Variants in NOMO1 observed in about 807,000 individuals in gnomAD.
The protein encoded by NOMO1 is nodal modulator 3.
Under a neutral mutation model 133.8 loss-of-function variants are expected in NOMO1, and 40 were observed. The ratio of observed to expected loss-of-function variants is 0.30; its 90% confidence interval spans 0.23 to 0.39. The LOEUF is 0.39. NOMO1 is among the 10% of genes least tolerant of loss of function. The pLI is 1.00. For synonymous variants in NOMO1, 236 were observed against 570.5 expected (o/e 0.41, Z 8.36); for missense variants, 462 against 1,419.9 (o/e 0.33, Z 10.84).
chr16:14,840,521 A>G (rs1963589307), intron 2 of NOMO1, among the ~76,000 whole-genome samples: 1 of 129,154 alleles, frequency 7.7e-6, no homozygotes, highest in Admixed American at 8.0e-5. Context: ...CAGGAGACGG[A>G]GGTTGCAGTG....
Position 14,833,775 on chromosome 16 carries a change from G to C in NOMO1, c.-77G>C. 1 of 476,480 alleles carries C rather than the reference G, an allele frequency of 2.1e-6. No individual in the cohort carries two copies. Among genetic ancestry groups the C allele is most frequent in the Non-Finnish European group, 3.5e-6 (1 of 287,508 alleles). 29.5% of individuals were successfully genotyped at this position (476,480 alleles called of 1,614,324 possible). On this transcript the variant is annotated 5_prime_UTR_variant, in exon 1 of 31. Coordinates refer to ENST00000287667, the MANE Select transcript of NOMO1 (RefSeq NM_014287.4). ...TGGGCTGTCAGCCGGCCTAGGAGGA[G>C]GAAGGAGCCTGCGGCGTGCAGTGTG... is the stretch of plus-strand genomic sequence containing the variant.
Position 14,864,689 on chromosome 16 carries a change from G to A in NOMO1, c.1500G>A (p.Gln500=), listed in dbSNP as rs377153460. The A allele has an allele frequency of 1.2e-5, 19 of 1,613,158 alleles. 1 individual carries two copies. In the African/African-American group the frequency reaches 2.1e-4, roughly 18 times the overall value. The change falls in exon 13 of 31, where the codon CAG becomes CAA. Residue 500 remains glutamine (Q), a synonymous_variant. Coordinates refer to ENST00000287667, the MANE Select transcript of NOMO1 (RefSeq NM_014287.4). ...NRPMMDVAFV[Q]FLASVSGKVS... ...CCATGATGGATGTGGCCTTTGTACA[G>A]TTCTTGGCATCAGTTTCTGGGAAAG...
At chr16:14,836,226 T>G (rs1439662222) in intron 1 of NOMO1, among the ~76,000 whole-genome samples, 6 of 152,068 alleles carry the variant, frequency 3.9e-5, no homozygotes, top group Admixed American at 3.9e-4. Context: ...AATGCATGTA[T>G]CTGAATCTCT....
intron 18 of NOMO1, 36 bp from the exon 19 acceptor site, chr16:14,875,000 T>C (rs372398814): frequency 1.2e-6 from 2 of 1,613,588 alleles, no homozygotes; most frequent in African/African-American, 2.7e-5. Flanking sequence ...ACCACAAGGA[T>C]ACGCAACTAT....
chr16:14,853,303 G>T, intron 7 of NOMO1, 164 bp from the exon 8 acceptor site: 1 of 515,812 alleles, frequency 1.9e-6, no homozygotes, highest in Non-Finnish European at 3.3e-6. Context: ...CAACTTGAAT[G>T]TCAAGATTTT....
chr16:14,868,973 C>G (rs1209027082), intron 16 of NOMO1, among the ~76,000 whole-genome samples: 1 of 149,690 alleles, frequency 6.7e-6, no homozygotes, highest in African/African-American at 2.5e-5. Context: ...GAGTCTTGCT[C>G]TGTCACCCAG....
At chr16:14,866,404 T>C (rs1963995303) in intron 14 of NOMO1, 151 bp from the exon 15 acceptor site, 2 of 1,357,172 alleles carry the variant, frequency 1.5e-6, no homozygotes. Flanking sequence ...CTGCTAGTTA[T>C]AAATATATGT....
chr16:14,837,232 C>T (rs1008586050), intron 1 of NOMO1, among the ~76,000 whole-genome samples: 9 of 151,736 alleles, frequency 5.9e-5, no homozygotes, highest in Non-Finnish European at 1.3e-4. Context: ...CCAGGCTGGT[C>T]TCCTGGGCTC....
chr16:14,842,182 C>T (rs2151892675), intron 3 of NOMO1, among the ~76,000 whole-genome samples: 1 of 150,734 alleles, frequency 6.6e-6, no homozygotes, highest in East Asian at 2.0e-4. Flanking sequence ...AGAGGAGAGA[C>T]TCTTGATGTT....
Position 14,857,645 on chromosome 16 carries a change from A to G in NOMO1, c.1210A>G (p.Ile404Val), listed in dbSNP as rs2561962. 1.2e-4 allele frequency: 195 copies of G among 1,613,672 alleles called. 4 individuals are homozygous for G. The East Asian group carries it at 4.0e-3, about 33-fold the overall frequency. The change falls in exon 11 of 31, where the codon ATT (isoleucine) becomes GTT (valine). Residue 404 changes from isoleucine (I) to valine (V), a missense_variant. By Grantham distance (29) the Ile-to-Val change is conservative. Transcript: ENST00000287667. The part of the protein sequence containing the change: ...APNTPQLADI[I>V]ATGFSVCGQI... ...GAACACACCTCAGCTGGCTGACATT[A>G]TTGCAACAGGGTAAGCTTATCGTGT... is the stretch of plus-strand genomic sequence containing the variant.
At position 14,882,637 on chromosome 16, in the gene NOMO1, A is replaced by G; in HGVS notation, c.3071A>G (p.Asp1024Gly). Residue 1024 changes from aspartate (D) to glycine (G), a missense_variant, in exon 26 of 31, where the codon GAC becomes GGC. Coordinates refer to ENST00000287667, the MANE Select transcript of NOMO1 (RefSeq NM_014287.4). Reference protein sequence around the residue: ...YHVQLKAEGNDHIERALPHHR... With the variant: ...YHVQLKAEGNGHIERALPHHR... ...GTTCAGCTCAAGGCAGAAGGCAACGACCACATTGAGCGGGCGCTCCCCCAC... is the reference window on the plus strand; with the variant it reads ...GTTCAGCTCAAGGCAGAAGGCAACGGCCACATTGAGCGGGCGCTCCCCCAC... The G allele has an allele frequency of 6.2e-7, 1 of 1,611,578 alleles. No individual in the cohort carries two copies. The highest frequency in any genetic ancestry group is 8.5e-7 in the Non-Finnish European group (1 of 1,179,750).
intron 27 of NOMO1, among the ~76,000 whole-genome samples, chr16:14,886,169 C>G (rs1297309287): frequency 1.3e-5 from 2 of 151,736 alleles, no homozygotes; most frequent in Non-Finnish European, 2.9e-5. Context: ...ACAAAGTACT[C>G]CAGTGCCTCC....
At chr16:14,870,335 T>C (rs1286806705) in intron 16 of NOMO1, among the ~76,000 whole-genome samples, 2 of 151,244 alleles carry the variant, frequency 1.3e-5, no homozygotes, top group African/African-American at 4.9e-5. Flanking sequence ...AGAAAACTTA[T>C]GTTTAAAGGA....
At chr16:14,878,309 C>T (rs1275151995) in intron 22 of NOMO1, among the ~76,000 whole-genome samples, 1 of 130,806 alleles carries the variant, frequency 7.6e-6, no homozygotes, top group East Asian at 2.3e-4. Context: ...GCCTGGGCAA[C>T]GTGGCAAGAC....
intron 11 of NOMO1, among the ~76,000 whole-genome samples, chr16:14,858,802 G>C (rs1172543251): frequency 6.6e-6 from 1 of 152,096 alleles, no homozygotes. Context: ...ATGGAGTAGA[G>C]TGGCTTTGAA....
intron 11 of NOMO1, among the ~76,000 whole-genome samples, chr16:14,860,346 C>T (rs928071264): frequency 3.5e-5 from 5 of 144,908 alleles, no homozygotes; most frequent in Non-Finnish European, 7.5e-5. Flanking sequence ...CCAGCCTGGG[C>T]GACAGGGTGA....
Position 14,861,866 on chromosome 16 carries a change from A to AG in NOMO1, c.1221-1146dup, listed in dbSNP as rs533486872. Among the ~76,000 whole-genome samples the AG allele has an allele frequency of 2.4e-3, 332 of 136,594 alleles. 1 individual carries two copies. The highest frequency in any genetic ancestry group is 8.2e-3 in the African/African-American group (319 of 38,928). 89.6% of individuals were successfully genotyped at this position (136,594 alleles called of 152,430 possible). On this transcript the variant is annotated intron_variant, in intron 11 of 30. Coordinates refer to ENST00000287667, the MANE Select transcript of NOMO1 (RefSeq NM_014287.4). ...TTTTTTTTTTAACTTTAACCACTTA[A>AG]GAGTGTAAAATTCTTTTTCTCGGCT...
At chr16:14,856,515 G>T (rs1387940734) in intron 9 of NOMO1, among the ~76,000 whole-genome samples, 3 of 151,694 alleles carry the variant, frequency 2.0e-5, no homozygotes, top group African/African-American at 7.3e-5. Flanking sequence ...GAGTTGAAGC[G>T]ATTCTCCTGC....
In NOMO1 at chr16:14,866,567, A is replaced by G. The variant is rs1482308036; in HGVS notation, c.1682A>G (p.His561Arg). ...TTTGCTTTTGCAGTAAGCATCATGC[A>G]TGAGGATTGGTGCTGGAAGAACAAG... The part of the protein sequence containing the change: ...LPGKYKISIM[H>R]EDWCWKNKSL... Residue 561 changes from histidine (H) to arginine (R), a missense_variant, in exon 15 of 31, where the codon CAT becomes CGT. His to Arg is a conservative substitution (Grantham distance 29, BLOSUM62 0). Transcript: ENST00000287667. 9 of 1,610,184 alleles carry G rather than the reference A, an allele frequency of 5.6e-6. No homozygotes were observed. The highest frequency in any genetic ancestry group is 2.2e-5 in the South Asian group (2 of 90,938).
Sources: gnomAD v4.1 joint callset for allele counts (sites outside exome capture counted in the v4.1 genomes callset) on GRCh38, gnomAD v4.1.1 for gene constraint, MANE v1.5 for transcripts, NCBI Gene and HGNC (gene_info 2026-07-23, HGNC 2026-07-21) for gene names.